The following TBC1D8 variants were observed in gnomAD, a reference collection of about 807,000 sequenced individuals.
TBC1D8 encodes BUB2-like protein 1.
Under a neutral mutation model 118.8 loss-of-function variants are expected in TBC1D8, and 65 were observed. That is an observed-to-expected ratio of 0.55 (90% CI 0.45 to 0.67). TBC1D8 has a LOEUF of 0.67. TBC1D8 is among the 30% of genes least tolerant of loss of function. The pLI, the probability that TBC1D8 is intolerant of heterozygous loss-of-function variation, is 0.00. For missense variants in TBC1D8, 1,376 were observed against 1,471.2 expected, an observed-to-expected ratio of 0.94 and a Z score of 1.06; for synonymous variants, 566 against 595.8, an observed-to-expected ratio of 0.95 and a Z score of 0.73.
chr2:101,144,507 CA>C, intron 1 of TBC1D8, among the ~76,000 whole-genome samples: 1 of 152,288 alleles, frequency 6.6e-6, no homozygotes, highest in East Asian at 1.9e-4. Context: ...AGAGGTGGTT[CA>C]GGGGCAGCGC....
chr2:101,113,465 C>G (rs970638892), intron 1 of TBC1D8, among the ~76,000 whole-genome samples: 1 of 152,042 alleles, frequency 6.6e-6, no homozygotes, highest in Non-Finnish European at 1.5e-5. Context: ...TGATCAGAGA[C>G]AGCTGCAGAA....
intron 14 of TBC1D8, 141 bp downstream of exon 14, chr2:101,027,907 C>T (rs1293632157): frequency 8.2e-6 from 6 of 732,672 alleles, no homozygotes; most frequent in South Asian, 1.8e-5. Context: ...TTCTACACTA[C>T]TTCACCCTTA....
chr2:101,117,144 G>C (rs1256437504), intron 1 of TBC1D8, among the ~76,000 whole-genome samples: 2 of 152,090 alleles, frequency 1.3e-5, no homozygotes, highest in African/African-American at 4.8e-5. Flanking sequence ...CAGAACCCCA[G>C]GCAAGGCAAG....
At chr2:101,017,896 C>T in intron 17 of TBC1D8, 1 of 1,550,882 alleles carries the variant, frequency 6.4e-7, no homozygotes, top group Non-Finnish European at 8.7e-7. Flanking sequence ...CAGATTGTCA[C>T]CATCAGTGAG....
At chr2:101,064,352 G>C (rs1682912141) in intron 2 of TBC1D8, among the ~76,000 whole-genome samples, 2 of 152,140 alleles carry the variant, frequency 1.3e-5, no homozygotes, top group Non-Finnish European at 2.9e-5. Flanking sequence ...CTGGCACCTT[G>C]ATCCTGGACT....
intron 1 of TBC1D8, among the ~76,000 whole-genome samples, chr2:101,098,128 C>G (rs1374638058): frequency 1.3e-5 from 2 of 152,090 alleles, no homozygotes; most frequent in Admixed American, 1.3e-4. Flanking sequence ...GATGGTTGCT[C>G]GCACCTGTAA....
intron 2 of TBC1D8, among the ~76,000 whole-genome samples, chr2:101,071,719 A>G (rs1341897767): frequency 4.0e-5 from 6 of 151,706 alleles, no homozygotes; most frequent in South Asian, 2.1e-4. Flanking sequence ...GTTTGCAGGG[A>G]AAAAAAAAGT....
At chr2:101,025,469 C>CTG (rs2105381024) in intron 15 of TBC1D8, among the ~76,000 whole-genome samples, 1 of 152,272 alleles carries the variant, frequency 6.6e-6, no homozygotes, top group Admixed American at 6.5e-5. Flanking sequence ...TCAAGTGATT[C>CTG]GGCCTCCCAA....
chr2:101,124,468 A>T (rs1045083824), intron 1 of TBC1D8, among the ~76,000 whole-genome samples: 2 of 152,202 alleles, frequency 1.3e-5, no homozygotes, highest in Non-Finnish European at 2.9e-5. Context: ...AAATCCAAAA[A>T]TACTAACACT....
chr2:101,079,501 A>G (rs1675105098), intron 2 of TBC1D8, among the ~76,000 whole-genome samples: 1 of 151,836 alleles, frequency 6.6e-6, no homozygotes, highest in South Asian at 2.1e-4. Flanking sequence ...TAGCCTCTTG[A>G]GTAGTTAGGA....
Position 101,007,882 on chromosome 2 carries a change from T to C in TBC1D8, c.3407A>G (p.Asn1136Ser), listed in dbSNP as rs1322321498. The part of the protein sequence containing the change: ...KLENAKINQY[N>S]LKTFEMSHQS... ...GTGGCTCATTTCAAAAGTTTTGAGA[T>C]TGTACTGATTGATCTTGGCATTTTC... Residue 1136 changes from asparagine to serine, a missense_variant, in exon 20 of 20, where the codon AAT (asparagine) becomes AGT (serine). Asn to Ser is a conservative substitution (Grantham distance 46). Coordinates refer to ENST00000409318, the MANE Select transcript of TBC1D8 (RefSeq NM_001330348.2). The C allele has an allele frequency of 6.2e-7, 1 of 1,614,016 alleles. No homozygotes were observed. Among genetic ancestry groups the C allele is most frequent in the Non-Finnish European group, 8.5e-7 (1 of 1,179,894 alleles).
chr2:101,109,584 T>A (rs1239666902), intron 1 of TBC1D8, among the ~76,000 whole-genome samples: 1 of 152,136 alleles, frequency 6.6e-6, no homozygotes, highest in Non-Finnish European at 1.5e-5. Context: ...AGGAGGCCTT[T>A]GGGCAATACT....
intron 1 of TBC1D8, among the ~76,000 whole-genome samples, chr2:101,116,432 C>T (rs985748445): frequency 1.3e-5 from 2 of 152,106 alleles, no homozygotes; most frequent in African/African-American, 2.4e-5. Context: ...GGATCATCCC[C>T]ACCGCACTGG....
chr2:101,029,810 G>A, intron 11 of TBC1D8, 34 bp from the exon 12 acceptor site: 1 of 1,598,728 alleles, frequency 6.3e-7, no homozygotes, highest in Non-Finnish European at 8.5e-7. Flanking sequence ...TCTGGCTGGG[G>A]TAGGACTCAC....
chr2:101,066,116 T>C (rs1317312079), intron 2 of TBC1D8, among the ~76,000 whole-genome samples: 1 of 151,964 alleles, frequency 6.6e-6, no homozygotes, highest in African/African-American at 2.4e-5. Flanking sequence ...CCGGTCGGTC[T>C]TTACTAAAAA....
chr2:101,083,647 T>G (rs1314164402), intron 2 of TBC1D8, among the ~76,000 whole-genome samples: 1 of 152,100 alleles, frequency 6.6e-6, no homozygotes, highest in Non-Finnish European at 1.5e-5. Context: ...AAACTTAACC[T>G]CAAAGGCCCT....
intron 10 of TBC1D8, 54 bp from the exon 11 acceptor site, chr2:101,032,439 G>A: frequency 1.3e-6 from 2 of 1,496,106 alleles, no homozygotes; most frequent in South Asian, 2.3e-5. Flanking sequence ...ATGCCACAGA[G>A]ATGTTACAAG....
chr2:101,100,646 A>T (rs1280420892), intron 1 of TBC1D8, among the ~76,000 whole-genome samples: 2 of 152,188 alleles, frequency 1.3e-5, no homozygotes, highest in African/African-American at 4.8e-5. Context: ...CTATACTACA[A>T]GGCTACAGTA....
At chr2:101,038,972 G>A (rs1002192584) in intron 6 of TBC1D8, among the ~76,000 whole-genome samples, 17 of 152,346 alleles carry the variant, frequency 1.1e-4, no homozygotes, top group African/African-American at 3.6e-4. Context: ...AACAAGGCCA[G>A]TCACAAATAT....
Sources: gnomAD v4.1 joint callset for allele counts (sites outside exome capture counted in the v4.1 genomes callset) on GRCh38, gnomAD v4.1.1 for gene constraint, MANE v1.5 for transcripts, NCBI Gene and HGNC (gene_info 2026-07-23, HGNC 2026-07-21) for gene names.